LIG1: variants seen among roughly 807,000 people sequenced by gnomAD.
LIG1 encodes DNA ligase 1, also known as ligase I, DNA, ATP-dependent.
In LIG1, 70 loss-of-function variants were observed where a neutral mutation model predicts 115.7. The observed-to-expected ratio is 0.60, with a 90% CI of 0.50 to 0.74. The LOEUF (loss-of-function observed/expected upper bound fraction) is 0.74, where lower values mean the gene tolerates loss of function less well. LIG1 is among the 30% of genes least tolerant of loss of function. The pLI is 0.00. For missense variants in LIG1, 1,115 were observed against 1,225.6 expected (o/e 0.91, Z 1.35); for synonymous variants, 487 against 495.3 (o/e 0.98, Z 0.22).
At chr19:48,124,038 C>T (rs1306691908) in intron 21 of LIG1, among the ~76,000 whole-genome samples, 1 of 152,160 alleles carries the variant, frequency 6.6e-6, no homozygotes, top group South Asian at 2.1e-4. Context: ...CAGTTGTCTC[C>T]ACATGTCAAC....
In LIG1 at chr19:48,122,764, G is replaced by A. The variant is rs560559594; in HGVS notation, c.2232+170C>T. ...CATCAGAACTCGTGAGCAAGGGCTC[G>A]CAGCAGGGAGAAGGTCTGAACTCAG... On this transcript the variant is annotated intron_variant, in intron 23 of 27. Transcript: ENST00000263274. This position sits in a 1 kb window ranked among gnomAD's most constrained non-coding sequence, Gnocchi z 4.3. Among the ~76,000 whole-genome samples the A allele has an allele frequency of 7.0e-4, 107 of 152,256 alleles. No individual in the cohort carries two copies. The highest frequency in any genetic ancestry group is 1.2e-3 in the Non-Finnish European group (81 of 68,014).
At chr19:48,119,529 CTTTTTTTTTTTT>C (rs71334267) in intron 24 of LIG1, among the ~76,000 whole-genome samples, 4 of 67,980 alleles carry the variant, frequency 5.9e-5, no homozygotes, top group East Asian at 1.2e-3. Context: ...CACTTCCAGT[CTTTTTTTTTTTT>C]TTTTTTTTTT....
At chr19:48,146,619 G>A (rs569744079) in intron 9 of LIG1, among the ~76,000 whole-genome samples, 8 of 151,906 alleles carry the variant, frequency 5.3e-5, no homozygotes, top group African/African-American at 9.7e-5. Flanking sequence ...GGTGGAGGTC[G>A]CGGTGAGCTG....
chr19:48,126,520 C>T (rs2033677743), intron 21 of LIG1, among the ~76,000 whole-genome samples: 1 of 151,492 alleles, frequency 6.6e-6, no homozygotes, highest in Non-Finnish European at 1.5e-5. Context: ...GCAGGAGAAT[C>T]ACTTGAACCT....
chr19:48,165,765 G>T, intron 1 of LIG1, 142 bp from the exon 2 acceptor site: 1 of 699,678 alleles, frequency 1.4e-6, no homozygotes, highest in Non-Finnish European at 2.5e-6. Flanking sequence ...CTGTTTTTAT[G>T]AACCAAAATA....
At chr19:48,159,209 C>T (rs1023994557) in intron 4 of LIG1, among the ~76,000 whole-genome samples, 5 of 152,096 alleles carry the variant, frequency 3.3e-5, no homozygotes, top group African/African-American at 1.2e-4. Flanking sequence ...TCCCAAGTAG[C>T]TGGGACTACA....
In LIG1 at chr19:48,117,115, T is replaced by G. The variant is rs568412356; in HGVS notation, c.2583+523A>C. Among the ~76,000 whole-genome samples the G allele has an allele frequency of 4.4e-5, 6 of 136,238 alleles. No homozygotes were observed. In the East Asian group the frequency reaches 9.8e-4, roughly 22 times the overall value. The allele number at this position is 136,238 out of a possible 152,430, so 89.4% of individuals were successfully genotyped here. On this transcript the variant is annotated intron_variant, in intron 26 of 27. Transcript: ENST00000263274. ...TCCCAAAGTGCTGGGATTACAGGCA[T>G]GAGCCACTGTGCTTGCCCTGGGAAT... is the stretch of plus-strand genomic sequence containing the variant.
intron 2 of LIG1, among the ~76,000 whole-genome samples, chr19:48,163,283 G>A (rs1489589376): frequency 6.6e-6 from 1 of 151,548 alleles, no homozygotes; most frequent in African/African-American, 2.4e-5. Context: ...GTGCAATGGT[G>A]CAATCTCGGC....
chr19:48,153,555 T>C (rs1047876751), intron 6 of LIG1, among the ~76,000 whole-genome samples: 1 of 151,442 alleles, frequency 6.6e-6, no homozygotes, highest in Non-Finnish European at 1.5e-5. Flanking sequence ...GTAGGTGGAA[T>C]TCCTGGATGC....
chr19:48,115,812 C>A, intron 27 of LIG1, 61 bp downstream of exon 27: 1 of 1,580,396 alleles, frequency 6.3e-7, no homozygotes. Flanking sequence ...GAGGCCACCA[C>A]GCTAAAAAGC....
At position 48,127,262 on chromosome 19, in the gene LIG1, G is replaced by A. The variant is rs947445304; in HGVS notation, c.2004+15C>T. The A allele has an allele frequency of 6.2e-7, 1 of 1,612,028 alleles. No individual in the cohort carries two copies. The highest frequency in any genetic ancestry group is 8.5e-7 in the Non-Finnish European group (1 of 1,178,454). On this transcript the variant is annotated intron_variant, in intron 21 of 27. Transcript: ENST00000263274. ...TCACCCCTCAGCTGCCCCTGGACAGGAAGCTGGAACTCACCTCTCCATTGA... is the reference window on the plus strand; with the variant it reads ...TCACCCCTCAGCTGCCCCTGGACAGAAAGCTGGAACTCACCTCTCCATTGA...
intron 4 of LIG1, among the ~76,000 whole-genome samples, chr19:48,160,910 A>AC (rs2123014009): frequency 6.6e-6 from 1 of 151,658 alleles, no homozygotes; most frequent in Admixed American, 6.6e-5. Flanking sequence ...TTTTTAAAAC[A>AC]TTTTTTTGTA....
chr19:48,140,065 G>A lies in LIG1; in HGVS notation c.993C>T (p.Leu331=). 1 of 1,614,070 alleles carries A rather than the reference G, an allele frequency of 6.2e-7. No individual in the cohort carries two copies. Among genetic ancestry groups the A allele is most frequent in the Non-Finnish European group, 8.5e-7 (1 of 1,180,038 alleles). ...GCCCAAGGTGGTTGAGGCTGAGGTA[G>A]AGGACAGGGAGGAGGTCTGGAGGCG... ...ALSPPDLLPV[L]YLSLNHLGPP... is the part of the protein sequence containing the mutation. Residue 331 remains leucine (L), a synonymous_variant, in exon 12 of 28, where the codon CTC becomes CTT. Transcript: ENST00000263274.
Position 48,123,798 on chromosome 19 carries a change from A to G in LIG1, c.2005-480T>C, listed in dbSNP as rs1420664310. Among the ~76,000 whole-genome samples the G allele has an allele frequency of 2.6e-5, 4 of 151,848 alleles. No homozygotes were observed. In the East Asian group the frequency reaches 7.7e-4, roughly 29 times the overall value. Reference sequence around the variant, plus strand: ...AGAGATCCACCCACCTCAGCCTCCCAAAGTGTTGGGATTACAGGCGTGAGC... The same window carrying G: ...AGAGATCCACCCACCTCAGCCTCCCGAAGTGTTGGGATTACAGGCGTGAGC... On this transcript the variant is annotated intron_variant, in intron 21 of 27. Coordinates refer to ENST00000263274, the MANE Select transcript of LIG1 (RefSeq NM_000234.3).
chr19:48,145,107 C>T (rs911206343), intron 9 of LIG1, among the ~76,000 whole-genome samples: 3 of 152,208 alleles, frequency 2.0e-5, no homozygotes, highest in Non-Finnish European at 4.4e-5. Context: ...CCGTGTTGCA[C>T]ACGCTGGTGT....
chr19:48,143,505 C>CGCGGGGGGGGGGGGGGGGGGGGGG, intron 11 of LIG1, 38 bp downstream of exon 11: 2 of 850,464 alleles, frequency 2.4e-6, no homozygotes, highest in Non-Finnish European at 4.0e-6. Flanking sequence ...GACCCAGAAG[C>CGCGGGGGGGGGGGGGGGGGGGGGG]GACCCCGCCC....
In LIG1 at chr19:48,142,442, C is replaced by CAAAAAAAAAAAAAAAAAAAAAAAAAAA. The variant is rs561137392; in HGVS notation, c.914+1100_914+1101insTTTTTTTTTTTTTTTTTTTTTTTTTTT. 2.2e-4 allele frequency among the ~76,000 whole-genome samples: 17 copies of CAAAAAAAAAAAAAAAAAAAAAAAAAAA among 75,600 alleles called. 1 individual carries two copies. Among genetic ancestry groups the CAAAAAAAAAAAAAAAAAAAAAAAAAAA allele is most frequent in the East Asian group, 1.3e-3 (2 of 1,566 alleles). The allele number at this position is 75,600 out of a possible 152,430, so 49.6% of individuals were successfully genotyped here. A position where few individuals can be genotyped will look rare whatever the true frequency, so the allele number is the denominator to read the frequency against. On this transcript the variant is annotated intron_variant, in intron 11 of 27. Transcript: ENST00000263274. ...TGGGCAACAGAGCAAGACTCCATCT[C>CAAAAAAAAAAAAAAAAAAAAAAAAAAA]AAAAAAAAAAAAAAACAGAGTGCTG...
chr19:48,150,315 A>G (rs917096178), intron 7 of LIG1, 105 bp from the exon 8 acceptor site: 3 of 1,517,938 alleles, frequency 2.0e-6, no homozygotes, highest in South Asian at 2.3e-5. Context: ...GATGGAAGAT[A>G]TAACTACACC....
In LIG1 at chr19:48,122,326, T is replaced by C. The variant is rs2033341490; in HGVS notation, c.2232+608A>G. Reference sequence around the variant, plus strand: ...GAACCCCCACTGACTTCCTGAAACCTTCAAGAGGAAGATCCAGTTTTATCT... The same window carrying C: ...GAACCCCCACTGACTTCCTGAAACCCTCAAGAGGAAGATCCAGTTTTATCT... On this transcript the variant is annotated intron_variant, in intron 23 of 27. Transcript: ENST00000263274. This position sits in a 1 kb window ranked among gnomAD's most constrained non-coding sequence, Gnocchi z 4.3. The C allele has an allele frequency of 6.2e-6, 1 of 160,358 alleles. No homozygotes were observed. The highest frequency in any genetic ancestry group is 1.4e-5 in the Non-Finnish European group (1 of 72,526). 9.9% of individuals were successfully genotyped at this position (160,358 alleles called of 1,614,324 possible).
Sources: allele counts gnomAD v4.1 joint callset (sites outside exome capture counted in the v4.1 genomes callset), GRCh38; gene constraint gnomAD v4.1.1; non-coding constraint Gnocchi (gnomAD v3.1); transcripts MANE v1.5; gene names NCBI Gene and HGNC (gene_info 2026-07-23, HGNC 2026-07-21).